MAGI2: variants seen among roughly 807,000 people sequenced by gnomAD.
The protein encoded by MAGI2 is membrane-associated guanylate kinase, WW and PDZ domain-containing protein 2.
MAGI2 carries 35 observed loss-of-function variants against 133.3 expected under a neutral mutation model. The ratio of observed to expected loss-of-function variants is 0.26; its 90% CI spans 0.20 to 0.35. MAGI2 has a LOEUF of 0.35. MAGI2 is among the 10% of genes least tolerant of loss of function. The probability of loss-of-function intolerance (pLI) is 1.00; values close to 1 mark genes in which losing one functional copy is unlikely to be tolerated. For synonymous variants in MAGI2, 729 were observed against 710.6 expected (o/e 1.03, Z -0.41); for missense variants, 1,636 against 1,863.4 (o/e 0.88, Z 2.25).
chr7:78,166,194 G>T (rs1195003221), intron 15 of MAGI2, among the ~76,000 whole-genome samples: 1 of 152,198 alleles, frequency 6.6e-6, no homozygotes, highest in Non-Finnish European at 1.5e-5. Flanking sequence ...AACAGCTCGG[G>T]TTGATTAAAA....
intron 1 of MAGI2, among the ~76,000 whole-genome samples, chr7:79,429,519 G>A (rs1847630117): frequency 6.6e-6 from 1 of 151,992 alleles, no homozygotes; most frequent in Non-Finnish European, 1.5e-5. Context: ...TGGCCAGGCT[G>A]GTCTCGAACT....
intron 1 of MAGI2, among the ~76,000 whole-genome samples, chr7:79,383,586 T>A (rs1585783990): frequency 6.6e-6 from 1 of 151,600 alleles, no homozygotes; most frequent in African/African-American, 2.4e-5. Context: ...ATTTAAAATG[T>A]AATGTTCACA....
intron 2 of MAGI2, among the ~76,000 whole-genome samples, chr7:79,004,125 G>A (rs1294911739): frequency 6.6e-6 from 1 of 152,122 alleles, no homozygotes; most frequent in Non-Finnish European, 1.5e-5. Flanking sequence ...ATAAATATAG[G>A]AGATCAGCAT....
At chr7:79,289,802 C>T (rs370322193) in intron 1 of MAGI2, among the ~76,000 whole-genome samples, 21 of 152,214 alleles carry the variant, frequency 1.4e-4, no homozygotes, top group African/African-American at 5.1e-4. Context: ...AACCTTAAAA[C>T]ATTTCCAAGT....
At chr7:79,040,602 C>T (rs1480649670) in intron 1 of MAGI2, among the ~76,000 whole-genome samples, 2 of 152,088 alleles carry the variant, frequency 1.3e-5, no homozygotes, top group Non-Finnish European at 2.9e-5. Context: ...CCCATAATCC[C>T]CACATGTCAA....
intron 2 of MAGI2, among the ~76,000 whole-genome samples, chr7:78,795,678 G>A (rs996796098): frequency 4.6e-5 from 7 of 151,852 alleles, no homozygotes; most frequent in Non-Finnish European, 4.4e-5. Context: ...AATCACAAAA[G>A]GCTCCAAATA....
intron 1 of MAGI2, among the ~76,000 whole-genome samples, chr7:79,090,708 G>A (rs189363491): frequency 5.3e-4 from 80 of 152,264 alleles, no homozygotes; most frequent in African/African-American, 1.8e-3. Context: ...AGATGACAAT[G>A]CCATAATTGT....
At chr7:78,666,520 A>G (rs1251680175) in intron 2 of MAGI2, among the ~76,000 whole-genome samples, 1 of 152,184 alleles carries the variant, frequency 6.6e-6, no homozygotes, top group African/African-American at 2.4e-5. Context: ...GACCCAAGTC[A>G]AAATCTAGCC....
intron 2 of MAGI2, among the ~76,000 whole-genome samples, chr7:78,804,768 A>C (rs1419107844): frequency 3.5e-5 from 4 of 113,950 alleles, no homozygotes; most frequent in African/African-American, 6.1e-5. Flanking sequence ...AAAAAAAAAA[A>C]AAAACCTTTG....
At chr7:78,222,209 C>A (rs767193567) in intron 10 of MAGI2, among the ~76,000 whole-genome samples, 1 of 152,138 alleles carries the variant, frequency 6.6e-6, no homozygotes, top group Admixed American at 6.5e-5. Context: ...TCGAGGGTTT[C>A]AGTTTAGTAA....
At chr7:78,481,341 A>ACCATTTT (rs1290640435) in intron 6 of MAGI2, among the ~76,000 whole-genome samples, 1 of 151,912 alleles carries the variant, frequency 6.6e-6, no homozygotes, top group East Asian at 1.9e-4. Flanking sequence ...AGGAAAAACT[A>ACCATTTT]CCATTTATAA....
At chr7:78,944,400 A>G (rs1294577047) in intron 2 of MAGI2, among the ~76,000 whole-genome samples, 3 of 152,112 alleles carry the variant, frequency 2.0e-5, no homozygotes, top group African/African-American at 7.2e-5. Flanking sequence ...GGATAGACAT[A>G]AGCTCACAGA....
At chr7:79,006,777 T>G (rs2116520209) in intron 2 of MAGI2, 2 of 220,762 alleles carry the variant, frequency 9.1e-6, no homozygotes, top group Admixed American at 1.1e-4. Flanking sequence ...TGGAGTTCTA[T>G]CTCCATCATA....
At chr7:78,259,991 C>A (rs1793362676) in intron 9 of MAGI2, among the ~76,000 whole-genome samples, 1 of 152,110 alleles carries the variant, frequency 6.6e-6, no homozygotes, top group African/African-American at 2.4e-5. Context: ...TTCAAGTCAT[C>A]AGGCAAGGAT....
intron 1 of MAGI2, among the ~76,000 whole-genome samples, chr7:79,317,154 C>G (rs755412164): frequency 7.3e-5 from 11 of 151,502 alleles, no homozygotes; most frequent in Non-Finnish European, 1.6e-4. Flanking sequence ...TCCTGAGTAG[C>G]TAGGATTACA....
chr7:78,477,023 C>A (rs532315189), intron 6 of MAGI2, among the ~76,000 whole-genome samples: 2 of 151,974 alleles, frequency 1.3e-5, no homozygotes, highest in East Asian at 1.9e-4. Context: ...TGAAATTAAA[C>A]CCCTCTTCTT....
intron 13 of MAGI2, among the ~76,000 whole-genome samples, chr7:78,181,830 T>C (rs1242058721): frequency 6.6e-6 from 1 of 152,234 alleles, no homozygotes; most frequent in Non-Finnish European, 1.5e-5. Flanking sequence ...TTTCAAAAGT[T>C]GATTCCTACT....
chr7:79,113,256 C>T (rs540726286), intron 1 of MAGI2, among the ~76,000 whole-genome samples: 1 of 152,298 alleles, frequency 6.6e-6, no homozygotes, highest in East Asian at 1.9e-4. Context: ...ATTTCCATGG[C>T]TGCGTGCTAG....
At chr7:78,698,025 A>G (rs1817692506) in intron 2 of MAGI2, among the ~76,000 whole-genome samples, 1 of 152,208 alleles carries the variant, frequency 6.6e-6, no homozygotes, top group African/African-American at 2.4e-5. Flanking sequence ...TGCCTCTGTT[A>G]GATTAATCTA....
Sources: gnomAD v4.1 joint callset for allele counts (sites outside exome capture counted in the v4.1 genomes callset) on GRCh38, gnomAD v4.1.1 for gene constraint, MANE v1.5 for transcripts, NCBI Gene and HGNC (gene_info 2026-07-23, HGNC 2026-07-21) for gene names.